TRAPPC10: variants seen among roughly 807,000 people sequenced by gnomAD.
TRAPPC10 encodes TRAPP 130 kDa subunit.
Under a neutral mutation model 125.5 loss-of-function variants are expected in TRAPPC10, and 23 were observed. That is an observed-to-expected ratio of 0.18 (90% CI 0.13 to 0.26). The LOEUF (loss-of-function observed/expected upper bound fraction) is 0.26, where lower values mean the gene tolerates loss of function less well. Among genes scored for constraint, TRAPPC10 ranks in the 10% least tolerant of loss-of-function variants. TRAPPC10 has a pLI of 1.00. For synonymous variants in TRAPPC10, 509 were observed against 518.0 expected, an observed-to-expected ratio of 0.98 and a Z score of 0.24; for missense variants, 1,123 against 1,308.4, an observed-to-expected ratio of 0.86 and a Z score of 2.19.
chr21:44,015,091 A>G (rs2031666935), intron 1 of TRAPPC10, among the ~76,000 whole-genome samples: 2 of 152,208 alleles, frequency 1.3e-5, no homozygotes, highest in Non-Finnish European at 2.9e-5. Context: ...TATTATGTAC[A>G]TAGTTCTCTT....
intron 4 of TRAPPC10, 123 bp from the exon 5 acceptor site, chr21:44,055,575 C>T (rs1338916424): frequency 2.8e-6 from 2 of 718,444 alleles, no homozygotes; most frequent in African/African-American, 4.5e-5. Flanking sequence ...AAAACTCTGT[C>T]TCAAAAAAAA....
chr21:44,038,245 G>T (rs951513190), intron 3 of TRAPPC10, among the ~76,000 whole-genome samples: 6 of 152,214 alleles, frequency 3.9e-5, no homozygotes, highest in Non-Finnish European at 7.3e-5. Flanking sequence ...CTGGCGTGCT[G>T]TGCTCACCGT....
intron 1 of TRAPPC10, among the ~76,000 whole-genome samples, chr21:44,014,613 G>C (rs2147101308): frequency 1.4e-5 from 2 of 140,442 alleles, no homozygotes; most frequent in Admixed American, 1.4e-4. Flanking sequence ...TTTTTCAGTA[G>C]AGACAGAGTT....
At chr21:44,041,761 C>CT (rs2034440165) in intron 3 of TRAPPC10, among the ~76,000 whole-genome samples, 1 of 152,056 alleles carries the variant, frequency 6.6e-6, no homozygotes, top group Non-Finnish European at 1.5e-5. Context: ...GACTCTCACT[C>CT]TGTCACTCAG....
intron 10 of TRAPPC10, among the ~76,000 whole-genome samples, chr21:44,076,921 CTTTGTAAA>C (rs1050463562): frequency 1.1e-4 from 17 of 152,136 alleles, no homozygotes; most frequent in African/African-American, 3.4e-4. Flanking sequence ...GAATACTTTT[CTTTGTAAA>C]AAGGAGTAAT....
intron 18 of TRAPPC10, among the ~76,000 whole-genome samples, chr21:44,090,529 C>T (rs1311218758): frequency 3.9e-5 from 6 of 152,162 alleles, no homozygotes; most frequent in Admixed American, 3.9e-4. Context: ...GCCCAGTGTC[C>T]TCTGGGTGGG....
Position 44,047,570 on chromosome 21 carries a change from G to A in TRAPPC10, c.286-4710G>A, listed in dbSNP as rs13050090. Among the ~76,000 whole-genome samples the A allele has an allele frequency of 3.0e-4, 46 of 151,636 alleles. 1 individual carries two copies. The highest frequency in any genetic ancestry group is 8.3e-4 in the South Asian group (4 of 4,798). ...TGTGTGTGTGTGTGTGTGTGTGCGCGCACACGCTACATGAAGTTCCATAAC... is the reference window on the plus strand; with the variant it reads ...TGTGTGTGTGTGTGTGTGTGTGCGCACACACGCTACATGAAGTTCCATAAC... On this transcript the variant is annotated intron_variant, in intron 3 of 22. Coordinates refer to ENST00000291574, the MANE Select transcript of TRAPPC10 (RefSeq NM_003274.5).
chr21:44,028,206 T>G (rs1269622526), intron 1 of TRAPPC10, among the ~76,000 whole-genome samples: 3 of 152,256 alleles, frequency 2.0e-5, no homozygotes, highest in Non-Finnish European at 1.5e-5. Flanking sequence ...AGGAAATAGC[T>G]AAGCCTATGT....
At chr21:44,022,762 C>T (rs2032660961) in intron 1 of TRAPPC10, among the ~76,000 whole-genome samples, 1 of 151,046 alleles carries the variant, frequency 6.6e-6, no homozygotes. Context: ...CCCTCTGTCT[C>T]TTTTTTTTTC....
intron 3 of TRAPPC10, among the ~76,000 whole-genome samples, chr21:44,039,645 T>C (rs1019101750): frequency 7.9e-5 from 12 of 152,110 alleles, no homozygotes; most frequent in Non-Finnish European, 1.3e-4. Context: ...GGCGGGTGGG[T>C]CACAAGGTCA....
At chr21:44,022,142 C>G (rs1251963033) in intron 1 of TRAPPC10, among the ~76,000 whole-genome samples, 4 of 149,924 alleles carry the variant, frequency 2.7e-5, no homozygotes, top group Non-Finnish European at 4.4e-5. Flanking sequence ...GAGTTTCGCT[C>G]TTGTTGCCCA....
rs1360526619 is a variant in TRAPPC10, at chr21:44,063,837, A to C, written c.1038+52A>C. ...CCGTTTCTTGATTGTTCCAGCAGAA[A>C]TCTCTGAACCTTGAGATCCCAGGCA... On this transcript the variant is annotated intron_variant, in intron 7 of 22. Coordinates refer to ENST00000291574, the MANE Select transcript of TRAPPC10 (RefSeq NM_003274.5). The surrounding 1 kb of genome is among the most constrained non-coding windows in gnomAD (Gnocchi z 4.4). 1 of 1,572,638 alleles carries C rather than the reference A, an allele frequency of 6.4e-7. No homozygotes were observed. The highest frequency in any genetic ancestry group is 8.6e-7 in the Non-Finnish European group (1 of 1,160,528).
chr21:44,032,349 GTCTT>G (rs2033642072), intron 2 of TRAPPC10, among the ~76,000 whole-genome samples, 177 bp downstream of exon 2: 1 of 147,990 alleles, frequency 6.8e-6, no homozygotes, highest in Non-Finnish European at 1.5e-5. Flanking sequence ...GTCTTTGTGG[GTCTT>G]ATTCTTTATG....
intron 18 of TRAPPC10, chr21:44,091,627 A>G (rs953429598): frequency 1.2e-5 from 3 of 259,842 alleles, no homozygotes; most frequent in Non-Finnish European, 2.3e-5. Flanking sequence ...TTTAGTAGAG[A>G]TGGGGTTTCA....
At position 44,079,627 on chromosome 21, in the gene TRAPPC10, T is replaced by C; in HGVS notation, c.1533T>C (p.Ala511=). Residue 511 remains alanine (A), a synonymous_variant, in exon 12 of 23, where the codon GCT becomes GCC. Transcript: ENST00000291574. The part of the protein sequence containing the change: ...YLQGALKNYL[A]EGWALPITHT... ...AAGGAGCACTGAAAAACTACCTGGCTGAGGGCTGGGCACTCCCCATCACAC... is the reference window on the plus strand; with the variant it reads ...AAGGAGCACTGAAAAACTACCTGGCCGAGGGCTGGGCACTCCCCATCACAC... 1 of 1,609,946 alleles carries C rather than the reference T, an allele frequency of 6.2e-7. No homozygotes were observed. The highest frequency in any genetic ancestry group is 8.5e-7 in the Non-Finnish European group (1 of 1,179,106).
In TRAPPC10 at chr21:44,087,412, C is replaced by A. The variant is rs566806377; in HGVS notation, c.2540-287C>A. Among the ~76,000 whole-genome samples, 64 of 152,058 alleles carry A rather than the reference C, an allele frequency of 4.2e-4. No individual in the cohort carries two copies. The highest frequency in any genetic ancestry group is 1.4e-3 in the African/African-American group (60 of 41,464). ...GGGTGGATCTGCGGATGAGCTGGAA[C>A]GGGAGAAAGTCATGCAGGGACCTAC... On this transcript the variant is annotated intron_variant, in intron 16 of 22. Coordinates refer to ENST00000291574, the MANE Select transcript of TRAPPC10 (RefSeq NM_003274.5). This position sits in a 1 kb window ranked among gnomAD's most constrained non-coding sequence, Gnocchi z 4.6.
At chr21:44,085,230 C>T (rs909192495) in intron 15 of TRAPPC10, among the ~76,000 whole-genome samples, 1 of 151,972 alleles carries the variant, frequency 6.6e-6, no homozygotes, top group African/African-American at 2.4e-5. Flanking sequence ...CATTAGCCTA[C>T]AAAAAGACAT....
At chr21:44,064,331 G>C in intron 7 of TRAPPC10, among the ~76,000 whole-genome samples, 1 of 151,774 alleles carries the variant, frequency 6.6e-6, no homozygotes, top group Non-Finnish European at 1.5e-5. Flanking sequence ...GTGTGTGTGT[G>C]TGTGTGTGAG....
At chr21:44,026,850 C>T (rs941019069) in intron 1 of TRAPPC10, among the ~76,000 whole-genome samples, 1 of 152,158 alleles carries the variant, frequency 6.6e-6, no homozygotes, top group African/African-American at 2.4e-5. Flanking sequence ...TCTTCACCCC[C>T]CTCCACCCTC....
Sources: gnomAD v4.1 joint callset for allele counts (sites outside exome capture counted in the v4.1 genomes callset) on GRCh38, gnomAD v4.1.1 for gene constraint, Gnocchi (gnomAD v3.1) non-coding constraint, MANE v1.5 for transcripts, NCBI Gene and HGNC (gene_info 2026-07-23, HGNC 2026-07-21) for gene names.